LARGE1: variants seen among roughly 807,000 people sequenced by gnomAD.
LARGE1 encodes LARGE xylosyl- and glucuronyltransferase 1, also known as xylosyl- and glucuronyltransferase LARGE1.
LARGE1 carries 43 observed loss-of-function variants against 87.6 expected under a neutral mutation model. That is an observed-to-expected ratio of 0.49 (90% confidence interval 0.38 to 0.63). LARGE1 has a LOEUF of 0.63. Among genes scored for constraint, LARGE1 ranks in the 30% least tolerant of loss-of-function variants. The pLI, the probability that LARGE1 is intolerant of heterozygous loss-of-function variation, is 0.00. For synonymous variants in LARGE1, 434 were observed against 394.6 expected (o/e 1.10, Z -1.18); for missense variants, 802 against 1,000.2 (o/e 0.80, Z 2.67).
At chr22:33,485,256 C>T (rs1434398388) in intron 6 of LARGE1, among the ~76,000 whole-genome samples, 2 of 151,404 alleles carry the variant, frequency 1.3e-5, no homozygotes, top group African/African-American at 4.9e-5. Flanking sequence ...CTCTGTCGCC[C>T]AGGCTGGAGT....
chr22:33,434,401 A>T (rs1192044463), intron 6 of LARGE1, among the ~76,000 whole-genome samples: 1 of 152,184 alleles, frequency 6.6e-6, no homozygotes, highest in Non-Finnish European at 1.5e-5. Flanking sequence ...CCCGGGTTCA[A>T]GTAACTCCCC....
intron 11 of LARGE1, among the ~76,000 whole-genome samples, chr22:33,178,117 T>A (rs1418932875): frequency 6.6e-6 from 1 of 152,214 alleles, no homozygotes; most frequent in Non-Finnish European, 1.5e-5. Context: ...TTTATAGCAA[T>A]GTAAAAACAG....
chr22:33,553,312 C>A (rs1408198981), intron 6 of LARGE1, among the ~76,000 whole-genome samples: 1 of 151,646 alleles, frequency 6.6e-6, no homozygotes, highest in Non-Finnish European at 1.5e-5. Context: ...TTGAGACCAG[C>A]CTGGGGAACA....
intron 12 of LARGE1, among the ~76,000 whole-genome samples, chr22:33,298,052 CTCATGAA>C (rs1933590504): frequency 6.6e-6 from 1 of 151,090 alleles, no homozygotes; most frequent in African/African-American, 2.4e-5. Flanking sequence ...CTGTACCAGT[CTCATGAA>C]TGTGGAAAGT....
At chr22:33,542,162 C>CAAAAAAAAAAAAAAAAAAAAAGAAA (rs2077231582) in intron 6 of LARGE1, among the ~76,000 whole-genome samples, 1 of 92,696 alleles carries the variant, frequency 1.1e-5, no homozygotes, top group African/African-American at 4.1e-5. Context: ...AACTCTGTCT[C>CAAAAAAAAAAAAAAAAAAAAAGAAA]AAAAAAAAAA....
At chr22:33,358,782 T>C (rs2283896) in intron 9 of LARGE1, among the ~76,000 whole-genome samples, 64,258 of 151,622 alleles carry the variant, frequency 0.42, 13,822 homozygotes, top group East Asian at 0.58. Context: ...GTCAGGAGTT[T>C]GAGACCACCC....
chr22:33,078,629 C>T, the LARGE1 span, among the ~76,000 whole-genome samples: 1 of 152,168 alleles, frequency 6.6e-6, no homozygotes, highest in Non-Finnish European at 1.5e-5. Context: ...TATTGTATTG[C>T]CCTCTATGTA....
intron 5 of LARGE1, among the ~76,000 whole-genome samples, chr22:33,581,920 G>A (rs2078532610): frequency 6.6e-6 from 1 of 151,818 alleles, no homozygotes; most frequent in Non-Finnish European, 1.5e-5. Flanking sequence ...ACATCTTAAA[G>A]CTTCACATGG....
intron 6 of LARGE1, among the ~76,000 whole-genome samples, chr22:33,529,929 G>A (rs558952273): frequency 3.9e-5 from 6 of 152,264 alleles, no homozygotes; most frequent in Non-Finnish European, 5.9e-5. Flanking sequence ...TGGCAGCAGC[G>A]GGAGACTGCT....
At chr22:33,707,870 C>T (rs558748076) in intron 2 of LARGE1, among the ~76,000 whole-genome samples, 1 of 152,256 alleles carries the variant, frequency 6.6e-6, no homozygotes, top group South Asian at 2.1e-4. Flanking sequence ...TCAAGCACAT[C>T]TGAGAAAGCC....
chr22:33,547,677 C>T (rs1447092944), intron 6 of LARGE1, among the ~76,000 whole-genome samples: 2 of 151,092 alleles, frequency 1.3e-5, no homozygotes, highest in Non-Finnish European at 2.9e-5. Flanking sequence ...ACCTGTAATT[C>T]CAGCTACTCA....
intron 2 of LARGE1, among the ~76,000 whole-genome samples, chr22:33,698,840 A>G (rs1431107221): frequency 6.6e-6 from 1 of 151,930 alleles, no homozygotes; most frequent in Non-Finnish European, 1.5e-5. Flanking sequence ...CCCTGACTTC[A>G]CTCTAGTGTC....
At chr22:33,719,826 T>C (rs1044102288) in intron 2 of LARGE1, among the ~76,000 whole-genome samples, 1 of 152,132 alleles carries the variant, frequency 6.6e-6, no homozygotes, top group African/African-American at 2.4e-5. Context: ...GGCTCATCTA[T>C]ACCATATTTT....
chr22:33,472,472 G>T (rs1051227605), intron 6 of LARGE1, among the ~76,000 whole-genome samples: 2 of 152,122 alleles, frequency 1.3e-5, no homozygotes, highest in Admixed American at 6.5e-5. Flanking sequence ...ATTCCTAGTG[G>T]GGTATTTTGG....
At chr22:33,259,519 C>T (rs951177634) in intron 11 of LARGE1, among the ~76,000 whole-genome samples, 1 of 152,190 alleles carries the variant, frequency 6.6e-6, no homozygotes, top group African/African-American at 2.4e-5. Context: ...TGCATGGACA[C>T]ACACACACAC....
chr22:33,092,432 A>G, the LARGE1 span, among the ~76,000 whole-genome samples: 1 of 151,816 alleles, frequency 6.6e-6, no homozygotes, highest in African/African-American at 2.4e-5. Flanking sequence ...TAAAGTGTGG[A>G]CTTCTTTTCT....
At chr22:33,708,748 G>C (rs1402335755) in intron 2 of LARGE1, among the ~76,000 whole-genome samples, 1 of 152,186 alleles carries the variant, frequency 6.6e-6, no homozygotes, top group African/African-American at 2.4e-5. Flanking sequence ...TTGCAGGCAT[G>C]TGCTACCACA....
intron 6 of LARGE1, among the ~76,000 whole-genome samples, chr22:33,502,676 C>G (rs931105162): frequency 4.6e-5 from 7 of 152,056 alleles, no homozygotes; most frequent in Non-Finnish European, 8.8e-5. Context: ...CCACGCCATC[C>G]TCCTACCTCA....
intron 1 of LARGE1, among the ~76,000 whole-genome samples, chr22:33,911,713 TC>T (rs528632953): frequency 6.6e-5 from 10 of 152,180 alleles, no homozygotes; most frequent in Non-Finnish European, 1.5e-4. Context: ...CCCTACAAAC[TC>T]GGAGGAAAGA....
Sources: gnomAD v4.1 joint callset for allele counts (sites outside exome capture counted in the v4.1 genomes callset) on GRCh38, gnomAD v4.1.1 for gene constraint, MANE v1.5 for transcripts, NCBI Gene and HGNC (gene_info 2026-07-23, HGNC 2026-07-21) for gene names.